Variants in ZNF385B observed in about 807,000 individuals in gnomAD.
ZNF385B encodes zinc finger protein 385B, also known as zinc finger protein 533.
ZNF385B carries 23 observed loss-of-function variants against 39.2 expected under a neutral mutation model. That is an observed-to-expected ratio of 0.59 (90% confidence interval 0.42 to 0.83). The LOEUF (loss-of-function observed/expected upper bound fraction) is 0.83, where lower values mean the gene tolerates loss of function less well. ZNF385B is among the 40% of genes least tolerant of loss of function. The pLI is 0.00. For missense variants in ZNF385B, 552 were observed against 598.9 expected (o/e 0.92, Z 0.82); for synonymous variants, 205 against 222.6 (o/e 0.92, Z 0.70).
chr2:179,786,394 T>C (rs1705003315), intron 1 of ZNF385B, among the ~76,000 whole-genome samples: 1 of 152,188 alleles, frequency 6.6e-6, no homozygotes, highest in Non-Finnish European at 1.5e-5. Flanking sequence ...TGCATATGAT[T>C]TTGTTTTCCA....
intron 3 of ZNF385B, among the ~76,000 whole-genome samples, chr2:179,718,577 T>G (rs1048323571): frequency 2.7e-5 from 4 of 149,646 alleles, no homozygotes; most frequent in African/African-American, 9.7e-5. Flanking sequence ...GATTCTAACA[T>G]CTGTACTTTG....
At chr2:179,792,599 T>G in intron 1 of ZNF385B, among the ~76,000 whole-genome samples, 1 of 143,570 alleles carries the variant, frequency 7.0e-6, no homozygotes, top group East Asian at 2.6e-4. Context: ...GGTCTCAAAC[T>G]CCTGACCTCA....
intron 3 of ZNF385B, chr2:179,746,184 G>T: frequency 3.7e-6 from 1 of 268,528 alleles, no homozygotes; most frequent in Non-Finnish European, 5.7e-6. Context: ...CACAGATTTA[G>T]CACCAAACCT....
chr2:179,581,765 T>C (rs1686547931), intron 3 of ZNF385B, among the ~76,000 whole-genome samples: 1 of 152,210 alleles, frequency 6.6e-6, no homozygotes, highest in Admixed American at 6.5e-5. Flanking sequence ...GCCAATGGGA[T>C]ATGAGTAGAA....
At chr2:179,498,571 T>C (rs1042282564) in intron 5 of ZNF385B, among the ~76,000 whole-genome samples, 1 of 151,920 alleles carries the variant, frequency 6.6e-6, no homozygotes, top group Non-Finnish European at 1.5e-5. Flanking sequence ...AATTAAACAA[T>C]ATGTTCCTGA....
chr2:179,698,091 A>C (rs1266193436), intron 3 of ZNF385B, among the ~76,000 whole-genome samples: 1 of 152,122 alleles, frequency 6.6e-6, no homozygotes, highest in Non-Finnish European at 1.5e-5. Flanking sequence ...ACCTAATGTA[A>C]ATGACGAGTT....
intron 1 of ZNF385B, among the ~76,000 whole-genome samples, chr2:179,858,526 A>G (rs1359240362): frequency 6.6e-6 from 1 of 152,202 alleles, no homozygotes; most frequent in Non-Finnish European, 1.5e-5. Context: ...CCTATAATCT[A>G]TAAAACCACA....
chr2:179,755,889 T>A (rs1385071611), intron 3 of ZNF385B, among the ~76,000 whole-genome samples: 6 of 152,306 alleles, frequency 3.9e-5, no homozygotes, highest in Admixed American at 3.9e-4. Flanking sequence ...TTTATCCAAT[T>A]TGCTAGTCTG....
intron 3 of ZNF385B, among the ~76,000 whole-genome samples, chr2:179,560,911 G>C (rs779467394): frequency 3.3e-5 from 5 of 152,194 alleles, no homozygotes; most frequent in Non-Finnish European, 7.3e-5. Context: ...TCTGTCTCCA[G>C]TAGTCATGTC....
At chr2:179,813,539 T>C (rs1262035153) in intron 1 of ZNF385B, among the ~76,000 whole-genome samples, 1 of 152,036 alleles carries the variant, frequency 6.6e-6, no homozygotes, top group Non-Finnish European at 1.5e-5. Context: ...TCAGGGAAGG[T>C]GGAAGATGGG....
intron 4 of ZNF385B, among the ~76,000 whole-genome samples, chr2:179,523,617 T>C (rs936743552): frequency 3.9e-5 from 6 of 152,062 alleles, no homozygotes; most frequent in African/African-American, 1.4e-4. Context: ...AAAATAGAAT[T>C]ATAAACTTGT....
At chr2:179,829,712 A>T (rs1264007397) in intron 1 of ZNF385B, among the ~76,000 whole-genome samples, 1 of 152,084 alleles carries the variant, frequency 6.6e-6, no homozygotes, top group African/African-American at 2.4e-5. Context: ...ACGGGGTTTC[A>T]CCGTGTTAGC....
At chr2:179,645,286 G>A (rs1327721726) in intron 3 of ZNF385B, among the ~76,000 whole-genome samples, 4 of 152,178 alleles carry the variant, frequency 2.6e-5, no homozygotes, top group African/African-American at 9.7e-5. Context: ...CTGACAGTGT[G>A]TTTGAGAAAT....
In ZNF385B at chr2:179,738,391, C is replaced by T. The variant is rs192030575; in HGVS notation, c.298+31112G>A. Among the ~76,000 whole-genome samples, 26 of 152,300 alleles carry T rather than the reference C, an allele frequency of 1.7e-4. No individual in the cohort carries two copies. The South Asian group carries it at 2.1e-3, about 12-fold the overall frequency. On this transcript the variant is annotated intron_variant, in intron 3 of 9. Transcript: ENST00000410066. ...CTGCATTTCACCCAAACTCCAGGCA[C>T]GCTCCTGCCCAGCTGAGCAAAGAGC... is the stretch of plus-strand genomic sequence containing the variant.
intron 3 of ZNF385B, among the ~76,000 whole-genome samples, chr2:179,618,397 TTATTCA>T (rs1417096283): frequency 6.6e-6 from 1 of 152,084 alleles, no homozygotes; most frequent in Non-Finnish European, 1.5e-5. Context: ...TCTTTCCTGT[TTATTCA>T]TATTCATAAC....
intron 3 of ZNF385B, among the ~76,000 whole-genome samples, chr2:179,633,074 T>C (rs974836389): frequency 6.6e-6 from 1 of 151,960 alleles, no homozygotes; most frequent in African/African-American, 2.4e-5. Flanking sequence ...GCCTACCAAC[T>C]AAAAAATGTC....
At chr2:179,781,807 A>T (rs557442851) in intron 1 of ZNF385B, among the ~76,000 whole-genome samples, 5 of 152,268 alleles carry the variant, frequency 3.3e-5, no homozygotes, top group Admixed American at 6.5e-5. Flanking sequence ...ACCAATAACA[A>T]ACTCTGAAAT....
At chr2:179,761,028 CT>C (rs1307678626) in intron 3 of ZNF385B, among the ~76,000 whole-genome samples, 1 of 151,982 alleles carries the variant, frequency 6.6e-6, no homozygotes, top group Non-Finnish European at 1.5e-5. Flanking sequence ...GCTTTTGTAC[CT>C]TTATCAAAAA....
intron 3 of ZNF385B, among the ~76,000 whole-genome samples, chr2:179,761,287 C>T (rs746047762): frequency 2.4e-4 from 37 of 152,090 alleles, no homozygotes; most frequent in Non-Finnish European, 2.9e-4. Context: ...AAAGAACTTG[C>T]TGGGATTTTG....
Sources: gnomAD v4.1 joint callset for allele counts (sites outside exome capture counted in the v4.1 genomes callset) on GRCh38, gnomAD v4.1.1 for gene constraint, MANE v1.5 for transcripts, NCBI Gene and HGNC (gene_info 2026-07-23, HGNC 2026-07-21) for gene names.